STX8: variants seen among roughly 807,000 people sequenced by gnomAD.
STX8 encodes the protein syntaxin 8, also known as syntaxin-8.
In STX8, 23 loss-of-function variants were observed where a neutral mutation model predicts 37.5. The ratio of observed to expected loss-of-function variants is 0.61; its 90% confidence interval spans 0.44 to 0.87. The LOEUF is 0.87. STX8 is among the 40% of genes least tolerant of loss of function. The pLI is 0.00. For synonymous variants in STX8, 115 were observed against 99.1 expected, an observed-to-expected ratio of 1.16 and a Z score of -0.95; for missense variants, 313 against 284.7, an observed-to-expected ratio of 1.10 and a Z score of -0.71.
At chr17:9,261,481 C>T (rs1247594063) in intron 7 of STX8, among the ~76,000 whole-genome samples, 1 of 152,090 alleles carries the variant, frequency 6.6e-6, no homozygotes, top group African/African-American at 2.4e-5. Flanking sequence ...AAAAATCAAC[C>T]CTATCTCTAC....
chr17:9,557,543 A>T lies in STX8; in HGVS notation c.118-15T>A. ...GTCACGGTAAGCTGAAAAGAAAAGA[A>T]CACATCCTAAGTATTCTAGTCCAGA... is the stretch of plus-strand genomic sequence containing the variant. On this transcript the variant is annotated splice_polypyrimidine_tract_variant and intron_variant, in intron 2 of 7. Transcript: ENST00000306357. 1 of 1,610,808 alleles carries T rather than the reference A, an allele frequency of 6.2e-7. No individual in the cohort carries two copies. Among genetic ancestry groups the T allele is most frequent in the Admixed American group, 1.7e-5 (1 of 60,002 alleles).
At chr17:9,426,075 A>G (rs1488555009) in intron 6 of STX8, among the ~76,000 whole-genome samples, 2 of 152,042 alleles carry the variant, frequency 1.3e-5, no homozygotes, top group Non-Finnish European at 2.9e-5. Context: ...CTTTAATCTG[A>G]TACAATGCCT....
intron 6 of STX8, among the ~76,000 whole-genome samples, chr17:9,389,861 A>G (rs1443553940): frequency 6.6e-6 from 1 of 152,192 alleles, no homozygotes; most frequent in Non-Finnish European, 1.5e-5. Flanking sequence ...AAATTTATCA[A>G]TGGAAACCAA....
intron 6 of STX8, among the ~76,000 whole-genome samples, chr17:9,450,220 T>A (rs1481422118): frequency 2.0e-5 from 3 of 149,882 alleles, no homozygotes; most frequent in Non-Finnish European, 3.0e-5. Flanking sequence ...GGAAAACAGG[T>A]ATGCGCCACC....
intron 7 of STX8, among the ~76,000 whole-genome samples, chr17:9,333,810 T>A (rs1179102806): frequency 1.3e-5 from 2 of 152,326 alleles, no homozygotes; most frequent in East Asian, 3.9e-4. Flanking sequence ...CATAGAAATT[T>A]TTCAGACTGC....
In STX8 at chr17:9,546,590, G is replaced by GTTT. The variant is rs745424722; in HGVS notation, c.213-1309_213-1308insAAA. On this transcript the variant is annotated intron_variant, in intron 3 of 7. Transcript: ENST00000306357. ...CTTTCTTGATGCAAACTACAAAAGTGGTTTTTTTTTTTTTTTTTTTTTTTT... is the reference window on the plus strand; with the variant it reads ...CTTTCTTGATGCAAACTACAAAAGTGTTTGTTTTTTTTTTTTTTTTTTTTTTTT... 8.9e-3 allele frequency among the ~76,000 whole-genome samples: 553 copies of GTTT among 62,008 alleles called. 1 individual carries two copies. Among genetic ancestry groups the GTTT allele is most frequent in the Non-Finnish European group, 0.011 (369 of 33,536 alleles). 40.7% of individuals were successfully genotyped at this position (62,008 alleles called of 152,430 possible).
At chr17:9,351,910 A>G (rs1910717784) in intron 7 of STX8, among the ~76,000 whole-genome samples, 1 of 152,060 alleles carries the variant, frequency 6.6e-6, no homozygotes, top group South Asian at 2.1e-4. Flanking sequence ...GCGCTTTGGG[A>G]GGCCGACTTG....
At chr17:9,287,916 A>G (rs1271209829) in intron 7 of STX8, among the ~76,000 whole-genome samples, 1 of 151,806 alleles carries the variant, frequency 6.6e-6, no homozygotes, top group Non-Finnish European at 1.5e-5. Context: ...ACGCCCAGCT[A>G]ATTTGGTATT....
chr17:9,437,183 A>C (rs1904466296), intron 6 of STX8, among the ~76,000 whole-genome samples: 2 of 152,236 alleles, frequency 1.3e-5, no homozygotes, highest in Admixed American at 1.3e-4. Flanking sequence ...AATAGCAAAT[A>C]TCGCGTTGCT....
chr17:9,391,644 A>C (rs1375566956), intron 6 of STX8, among the ~76,000 whole-genome samples: 1 of 148,432 alleles, frequency 6.7e-6, no homozygotes, highest in African/African-American at 2.6e-5. Flanking sequence ...GTAGCTTTAG[A>C]AAAACCTTTA....
At chr17:9,356,364 A>C (rs947671177) in intron 7 of STX8, among the ~76,000 whole-genome samples, 1 of 152,236 alleles carries the variant, frequency 6.6e-6, no homozygotes, top group Non-Finnish European at 1.5e-5. Context: ...GAACCCAATA[A>C]TTCTGAAAGA....
intron 4 of STX8, among the ~76,000 whole-genome samples, chr17:9,536,739 T>C (rs1411645143): frequency 7.3e-6 from 1 of 137,140 alleles, no homozygotes; most frequent in Admixed American, 6.9e-5. Flanking sequence ...AAGAATGGGC[T>C]TATTATTATT....
chr17:9,302,384 A>AT (rs1908820338), intron 7 of STX8, among the ~76,000 whole-genome samples: 1 of 152,096 alleles, frequency 6.6e-6, no homozygotes, highest in Admixed American at 6.5e-5. Flanking sequence ...CCTACTGTTT[A>AT]TATGCTTTCA....
intron 6 of STX8, among the ~76,000 whole-genome samples, chr17:9,396,292 G>C (rs1912397878): frequency 6.6e-6 from 1 of 150,914 alleles, no homozygotes; most frequent in South Asian, 2.1e-4. Context: ...ACTATAGAAA[G>C]GGTAAAATAA....
intron 6 of STX8, among the ~76,000 whole-genome samples, chr17:9,384,946 CAA>C (rs534621496): frequency 1.9e-4 from 14 of 74,048 alleles, no homozygotes; most frequent in Admixed American, 3.0e-4. Flanking sequence ...CTCTCCATAC[CAA>C]AAAAAAAAAA....
intron 7 of STX8, among the ~76,000 whole-genome samples, chr17:9,268,075 G>A (rs1907294989): frequency 6.6e-6 from 1 of 151,860 alleles, no homozygotes; most frequent in Non-Finnish European, 1.5e-5. Flanking sequence ...GAAGGGATAT[G>A]CATCTTCTAC....
intron 2 of STX8, among the ~76,000 whole-genome samples, chr17:9,566,045 T>G (rs9889906): frequency 0.71 from 107,438 of 152,158 alleles, 39,689 homozygotes; most frequent in East Asian, 0.98. Context: ...GAGAAAATAT[T>G]TGCAAGCTAT....
chr17:9,320,169 C>T (rs373056450), intron 7 of STX8, among the ~76,000 whole-genome samples: 4 of 151,650 alleles, frequency 2.6e-5, no homozygotes, highest in African/African-American at 9.7e-5. Context: ...CCCGTCTCTA[C>T]TAAAAATACA....
At chr17:9,301,884 C>A (rs145908618) in intron 7 of STX8, among the ~76,000 whole-genome samples, 1 of 152,090 alleles carries the variant, frequency 6.6e-6, no homozygotes, top group Admixed American at 6.5e-5. Context: ...AGACTGGCAT[C>A]CAGATTTGTA....
Sources: allele counts gnomAD v4.1 joint callset (sites outside exome capture counted in the v4.1 genomes callset), GRCh38; gene constraint gnomAD v4.1.1; transcripts MANE v1.5; gene names NCBI Gene and HGNC (gene_info 2026-07-23, HGNC 2026-07-21).